The following DENND1B variants were observed in gnomAD, a reference collection of about 807,000 sequenced individuals.
DENND1B encodes the protein DENN domain containing 1B, also known as DENN domain-containing protein 1B.
Under a neutral mutation model 90.1 loss-of-function variants are expected in DENND1B, and 59 were observed. That is an observed-to-expected ratio of 0.65 (90% CI 0.53 to 0.81). DENND1B has a LOEUF of 0.81. Ranked by LOEUF, DENND1B falls within the 40% of genes least tolerant of loss-of-function variation. The pLI, the probability that DENND1B is intolerant of heterozygous loss-of-function variation, is 0.00. For synonymous variants in DENND1B, 337 were observed against 324.6 expected (o/e 1.04, Z -0.41); for missense variants, 862 against 912.6 (o/e 0.94, Z 0.71).
At chr1:197,534,545 G>A (rs916150628) in intron 20 of DENND1B, among the ~76,000 whole-genome samples, 12 of 152,238 alleles carry the variant, frequency 7.9e-5, no homozygotes, top group East Asian at 1.9e-4. Flanking sequence ...AAAACTTTGC[G>A]GATTATGAAT....
At chr1:197,546,188 T>C (rs1420204433) in intron 17 of DENND1B, among the ~76,000 whole-genome samples, 198 bp from the exon 18 acceptor site, 1 of 152,180 alleles carries the variant, frequency 6.6e-6, no homozygotes, top group Non-Finnish European at 1.5e-5. Context: ...ATGTACACTT[T>C]CCACCTTGTT....
chr1:197,749,342 T>C (rs534449278), intron 2 of DENND1B, among the ~76,000 whole-genome samples: 45 of 151,798 alleles, frequency 3.0e-4, no homozygotes, highest in Admixed American at 1.7e-3. Flanking sequence ...AAACTAAACC[T>C]AGCACATAAC....
At chr1:197,697,470 G>A (rs1438766105) in intron 3 of DENND1B, among the ~76,000 whole-genome samples, 1 of 151,654 alleles carries the variant, frequency 6.6e-6, no homozygotes, top group African/African-American at 2.4e-5. Flanking sequence ...ATATGGCAGT[G>A]TCCTCCACTC....
At chr1:197,778,586 A>C (rs1345519719), upstream of DENND1B, among the ~76,000 whole-genome samples, 6 of 152,246 alleles carry the variant, frequency 3.9e-5, no homozygotes, top group East Asian at 1.2e-3. Flanking sequence ...CTGAGGCTTC[A>C]GAATCACTTG....
chr1:197,523,922 A>G (rs1668955404), intron 20 of DENND1B, among the ~76,000 whole-genome samples: 1 of 148,942 alleles, frequency 6.7e-6, no homozygotes, highest in East Asian at 2.0e-4. Flanking sequence ...GCATGAATAG[A>G]TGGAACGATA....
At chr1:197,525,891 A>G (rs1669101829) in intron 20 of DENND1B, among the ~76,000 whole-genome samples, 1 of 152,098 alleles carries the variant, frequency 6.6e-6, no homozygotes. Context: ...AACGTCAAAG[A>G]CACTAATAAA....
chr1:197,509,026 G>A lies in DENND1B; in HGVS notation c.*1434C>T, dbSNP rs899955686. On this transcript the variant is annotated 3_prime_UTR_variant, in exon 23 of 23. Transcript: ENST00000620048. The stretch of plus-strand genomic sequence containing the variant: ...CTTCCAAAAATGACAGCATGGAAAG[G>A]GCAGGAAGAACTTTAGAGTGACAAA... 1 of 151,662 alleles carries A rather than the reference G, an allele frequency of 6.6e-6. No homozygotes were observed. Among genetic ancestry groups the A allele is most frequent in the Non-Finnish European group, 1.5e-5 (1 of 67,816 alleles). 9.4% of individuals were successfully genotyped at this position (151,662 alleles called of 1,614,324 possible). A position where few individuals can be genotyped will look rare whatever the true frequency, so the allele number is the denominator to read the frequency against.
chr1:197,540,103 G>T (rs746591308), intron 19 of DENND1B, 32 bp from the exon 20 acceptor site: 108 of 1,457,276 alleles, frequency 7.4e-5, no homozygotes, highest in Non-Finnish European at 1.0e-4. Flanking sequence ...GGCAATAATT[G>T]TAAAGTACTC....
intron 20 of DENND1B, among the ~76,000 whole-genome samples, chr1:197,536,957 C>T (rs941400290): frequency 6.6e-6 from 1 of 151,274 alleles, no homozygotes; most frequent in Non-Finnish European, 1.5e-5. Context: ...AGGAGAATGG[C>T]GTGAACCCAG....
intron 15 of DENND1B, among the ~76,000 whole-genome samples, chr1:197,567,746 T>A (rs1672800565): frequency 6.6e-6 from 1 of 152,084 alleles, no homozygotes; most frequent in African/African-American, 2.4e-5. Flanking sequence ...CACAAAGGCA[T>A]TTGACAAAAA....
chr1:197,537,929 A>C (rs1670038349), intron 20 of DENND1B, among the ~76,000 whole-genome samples: 1 of 152,062 alleles, frequency 6.6e-6, no homozygotes. Context: ...GAGGTGATGG[A>C]TATGTTAACT....
intron 2 of DENND1B, among the ~76,000 whole-genome samples, chr1:197,732,316 T>C (rs1013242343): frequency 2.6e-5 from 4 of 152,170 alleles, no homozygotes; most frequent in Non-Finnish European, 5.9e-5. Context: ...GTGTTTCACG[T>C]GTTCTTCTTT....
At chr1:197,690,788 T>C (rs569042821) in intron 3 of DENND1B, among the ~76,000 whole-genome samples, 54 of 152,180 alleles carry the variant, frequency 3.5e-4, no homozygotes, top group Middle Eastern at 6.8e-3. Flanking sequence ...AAGGAGAACA[T>C]TTTATGGAAC....
At chr1:197,717,714 G>A (rs1243374812) in intron 2 of DENND1B, among the ~76,000 whole-genome samples, 1 of 151,816 alleles carries the variant, frequency 6.6e-6, no homozygotes, top group Non-Finnish European at 1.5e-5. Flanking sequence ...GTAAGATAAA[G>A]TCAGCAATAT....
chr1:197,568,086 A>G (rs1672840103), intron 15 of DENND1B, among the ~76,000 whole-genome samples: 1 of 152,006 alleles, frequency 6.6e-6, no homozygotes, highest in Non-Finnish European at 1.5e-5. Context: ...TTGTTTGCTC[A>G]TGGCATATTA....
chr1:197,587,934 T>C (rs558618044), intron 14 of DENND1B, among the ~76,000 whole-genome samples: 1 of 152,066 alleles, frequency 6.6e-6, no homozygotes, highest in East Asian at 1.9e-4. Flanking sequence ...ATAAGGAGCA[T>C]GCAACCTAGA....
At chr1:197,527,312 G>GTT (rs148417732) in intron 20 of DENND1B, among the ~76,000 whole-genome samples, 2,391 of 140,876 alleles carry the variant, frequency 0.017, 43 homozygotes, top group Non-Finnish European at 0.022. Flanking sequence ...GTTTTTTTTT[G>GTT]TTTTTGTTTT....
chr1:197,675,580 TA>T (rs1655976781), intron 3 of DENND1B, among the ~76,000 whole-genome samples: 1 of 152,158 alleles, frequency 6.6e-6, no homozygotes, highest in Non-Finnish European at 1.5e-5. Context: ...TTGTTAAATG[TA>T]GTTAAAAGAG....
chr1:197,645,035 G>C (rs1384881877), intron 9 of DENND1B, among the ~76,000 whole-genome samples: 1 of 151,854 alleles, frequency 6.6e-6, no homozygotes, highest in African/African-American at 2.4e-5. Context: ...ACTTCTACTT[G>C]TCTATGTAAA....
Sources: gnomAD v4.1 joint callset for allele counts (sites outside exome capture counted in the v4.1 genomes callset) on GRCh38, gnomAD v4.1.1 for gene constraint, MANE v1.5 for transcripts, NCBI Gene and HGNC (gene_info 2026-07-23, HGNC 2026-07-21) for gene names.